DNM3: variants seen among roughly 807,000 people sequenced by gnomAD.
DNM3 encodes the protein dynamin 3, also known as dynamin-3.
In DNM3, 47 loss-of-function variants were observed where a neutral mutation model predicts 101.6. The ratio of observed to expected loss-of-function variants is 0.46; its 90% confidence interval spans 0.37 to 0.59. DNM3 has a LOEUF of 0.59. Among genes scored for constraint, DNM3 ranks in the 20% least tolerant of loss-of-function variants. The probability of loss-of-function intolerance (pLI) is 0.00; values close to 1 mark genes in which losing one functional copy is unlikely to be tolerated. For synonymous variants in DNM3, 385 were observed against 387.9 expected (o/e 0.99, Z 0.09); for missense variants, 849 against 1,085.7 (o/e 0.78, Z 3.06).
chr1:172,404,903 T>G (rs944251824), intron 20 of DNM3, among the ~76,000 whole-genome samples: 7 of 152,094 alleles, frequency 4.6e-5, no homozygotes, highest in African/African-American at 1.7e-4. Context: ...CATGAAGCAG[T>G]CCACATATTA....
At chr1:172,282,218 C>T (rs2063517541) in intron 15 of DNM3, among the ~76,000 whole-genome samples, 1 of 152,158 alleles carries the variant, frequency 6.6e-6, no homozygotes, top group Non-Finnish European at 1.5e-5. Flanking sequence ...TGTCTACCTC[C>T]TTCTTTGATC....
At chr1:172,012,589 A>G (rs1033586683) in intron 4 of DNM3, among the ~76,000 whole-genome samples, 1 of 151,382 alleles carries the variant, frequency 6.6e-6, no homozygotes, top group Non-Finnish European at 1.5e-5. Flanking sequence ...TCACATCTAA[A>G]TTTCCTTATT....
At chr1:171,970,636 C>A (rs1172390294) in intron 2 of DNM3, among the ~76,000 whole-genome samples, 2 of 126,350 alleles carry the variant, frequency 1.6e-5, no homozygotes, top group African/African-American at 5.1e-5. Flanking sequence ...GCAGTTCCAT[C>A]TTATGTAAGC....
intron 16 of DNM3, among the ~76,000 whole-genome samples, chr1:172,316,404 TA>T (rs1268767957): frequency 6.6e-6 from 1 of 151,866 alleles, no homozygotes; most frequent in African/African-American, 2.4e-5. Flanking sequence ...ACTTTAAATG[TA>T]AAAGGACTAA....
chr1:171,936,341 A>C (rs1389949209), intron 2 of DNM3, among the ~76,000 whole-genome samples: 2 of 139,754 alleles, frequency 1.4e-5, no homozygotes, highest in African/African-American at 5.4e-5. Flanking sequence ...ACAGAGTGAG[A>C]CTCTGTCTCA....
At chr1:172,109,552 T>C (rs2055305655) in intron 13 of DNM3, among the ~76,000 whole-genome samples, 1 of 152,204 alleles carries the variant, frequency 6.6e-6, no homozygotes. Flanking sequence ...AGTTCATAAT[T>C]CATGTCACTG....
At chr1:172,070,729 C>T (rs2052094853) in intron 11 of DNM3, among the ~76,000 whole-genome samples, 3 of 151,912 alleles carry the variant, frequency 2.0e-5, no homozygotes, top group South Asian at 4.2e-4. Flanking sequence ...TCAATTTTCG[C>T]ATCTTAAAGT....
chr1:172,389,774 C>T (rs1183424960), intron 20 of DNM3, among the ~76,000 whole-genome samples: 1 of 152,178 alleles, frequency 6.6e-6, no homozygotes, highest in African/African-American at 2.4e-5. Context: ...CCTGAGCCAC[C>T]TTGCCAACTG....
At position 172,308,202 on chromosome 1, in the gene DNM3, A is replaced by G. The variant is rs2064926957; in HGVS notation, c.1770-526A>G. Among the ~76,000 whole-genome samples the G allele has an allele frequency of 2.0e-5, 3 of 152,306 alleles. No individual in the cohort carries two copies. The South Asian group carries it at 6.2e-4, about 32-fold the overall frequency. On this transcript the variant is annotated intron_variant, in intron 15 of 20. Transcript: ENST00000627582. ...AAGGAAAATACTGTCCCCATCATAA[A>G]TATGCACTTCATTGGCATCTCACCC...
chr1:172,132,905 G>A (rs1426953549), intron 14 of DNM3: 13 of 1,081,658 alleles, frequency 1.2e-5, no homozygotes, highest in Middle Eastern at 2.0e-4. Flanking sequence ...TAGTCTTGGC[G>A]AGGATAACCA....
chr1:172,394,851 A>ATGTT (rs2069839063), intron 20 of DNM3, among the ~76,000 whole-genome samples: 1 of 152,208 alleles, frequency 6.6e-6, no homozygotes, highest in Non-Finnish European at 1.5e-5. Flanking sequence ...ATACAAGTTA[A>ATGTT]TGTTAGCTCA....
intron 1 of DNM3, among the ~76,000 whole-genome samples, chr1:171,875,084 G>C (rs187220171): frequency 1.6e-4 from 25 of 152,224 alleles, no homozygotes; most frequent in Non-Finnish European, 2.9e-4. Flanking sequence ...GGGCACCCAG[G>C]TTGATTCCAT....
chr1:172,362,885 T>C (rs2067817495), intron 17 of DNM3, among the ~76,000 whole-genome samples: 1 of 151,892 alleles, frequency 6.6e-6, no homozygotes, highest in Non-Finnish European at 1.5e-5. Context: ...TAGCAATATC[T>C]GGCACTGTTA....
At chr1:172,331,059 A>C (rs970885685) in intron 17 of DNM3, among the ~76,000 whole-genome samples, 1 of 152,156 alleles carries the variant, frequency 6.6e-6, no homozygotes, top group African/African-American at 2.4e-5. Context: ...GGAGTCTCCA[A>C]ATGCTCACAT....
intron 14 of DNM3, among the ~76,000 whole-genome samples, chr1:172,213,534 A>T (rs1465804018): frequency 6.6e-6 from 1 of 151,372 alleles, no homozygotes; most frequent in African/African-American, 2.4e-5. Context: ...AAAAAAAAAA[A>T]AAAAGCCTAT....
At chr1:171,862,537 T>C (rs2034286325) in intron 1 of DNM3, among the ~76,000 whole-genome samples, 1 of 151,710 alleles carries the variant, frequency 6.6e-6, no homozygotes, top group Non-Finnish European at 1.5e-5. Flanking sequence ...ATGTATAGAG[T>C]AGAGACAGAA....
At chr1:172,121,121 C>T (rs1316204607) in intron 13 of DNM3, among the ~76,000 whole-genome samples, 2 of 152,120 alleles carry the variant, frequency 1.3e-5, no homozygotes, top group Non-Finnish European at 2.9e-5. Flanking sequence ...GCTTAGTTCT[C>T]ATTCTGTTTT....
intron 14 of DNM3, among the ~76,000 whole-genome samples, chr1:172,143,610 G>A (rs967330679): frequency 5.3e-5 from 8 of 152,116 alleles, no homozygotes; most frequent in Middle Eastern, 3.4e-3. Context: ...TTATCAGTGG[G>A]TTTCTAGACA....
At chr1:172,004,004 A>G (rs1239553405) in intron 4 of DNM3, among the ~76,000 whole-genome samples, 1 of 152,020 alleles carries the variant, frequency 6.6e-6, no homozygotes, top group Non-Finnish European at 1.5e-5. Context: ...TTGAAGAGGC[A>G]AATACTTGGG....
Sources: gnomAD v4.1 joint callset for allele counts (sites outside exome capture counted in the v4.1 genomes callset) on GRCh38, gnomAD v4.1.1 for gene constraint, MANE v1.5 for transcripts, NCBI Gene and HGNC (gene_info 2026-07-23, HGNC 2026-07-21) for gene names.